Variants in TMEM128 observed in about 807,000 individuals in gnomAD.
TMEM128 encodes the protein transmembrane protein 128.
A neutral mutation model predicts 19.7 loss-of-function variants in TMEM128; 16 were observed. The ratio of observed to expected loss-of-function variants is 0.81; its 90% CI spans 0.55 to 1.23. The LOEUF (loss-of-function observed/expected upper bound fraction) is 1.23, where lower values mean the gene tolerates loss of function less well. Among genes scored for constraint, TMEM128 ranks in the 50% most tolerant of loss-of-function variants. The pLI is 0.00. For missense variants in TMEM128, 237 were observed against 200.8 expected (o/e 1.18, Z -1.09); for synonymous variants, 98 against 75.8 (o/e 1.29, Z -1.52).
intron 1 of TMEM128, among the ~76,000 whole-genome samples, chr4:4,246,746 T>C (rs115664492): frequency 6.9e-6 from 1 of 144,140 alleles, no homozygotes; most frequent in African/African-American, 2.5e-5. Context: ...AACACTTTTA[T>C]AACTAAATTT....
chr4:4,242,996 C>T (rs1182867654), intron 2 of TMEM128, among the ~76,000 whole-genome samples: 1 of 152,300 alleles, frequency 6.6e-6, no homozygotes, highest in East Asian at 1.9e-4. Context: ...TCTTTAACTC[C>T]ACTGTTGATT....
chr4:4,247,015 C>T (rs1260715419), intron 1 of TMEM128, among the ~76,000 whole-genome samples: 3 of 152,204 alleles, frequency 2.0e-5, no homozygotes, highest in Non-Finnish European at 4.4e-5. Flanking sequence ...CAGCCCGCCT[C>T]AGCCTCTCAA....
At chr4:4,238,914 T>C (rs1180744498) in intron 3 of TMEM128, among the ~76,000 whole-genome samples, 1 of 152,064 alleles carries the variant, frequency 6.6e-6, no homozygotes, top group Non-Finnish European at 1.5e-5. Context: ...ATGCCTGTGG[T>C]CCCAACTACT....
intron 3 of TMEM128, among the ~76,000 whole-genome samples, chr4:4,238,580 T>G (rs1376750170): frequency 2.0e-5 from 3 of 152,162 alleles, no homozygotes; most frequent in Non-Finnish European, 4.4e-5. Context: ...TTTCTGGACA[T>G]GATCTTACCC....
chr4:4,236,619 GT>G (rs753914117), intron 4 of TMEM128, among the ~76,000 whole-genome samples: 4 of 152,210 alleles, frequency 2.6e-5, no homozygotes, highest in Non-Finnish European at 5.9e-5. Context: ...TCCTGTGAGG[GT>G]TCCCAGTGGT....
chr4:4,247,846 A>T (rs922132316), intron 1 of TMEM128: 6 of 1,432,428 alleles, frequency 4.2e-6, no homozygotes, highest in Non-Finnish European at 5.5e-6. Flanking sequence ...TAAATCCTTA[A>T]GACTTAAAAC....
intron 2 of TMEM128, among the ~76,000 whole-genome samples, chr4:4,245,213 T>C (rs1718119010): frequency 6.6e-6 from 1 of 152,134 alleles, no homozygotes. Flanking sequence ...GGTCTCCACA[T>C]CACTCTCCAA....
At chr4:4,247,407 T>C (rs1016173352) in intron 1 of TMEM128, among the ~76,000 whole-genome samples, 4 of 152,236 alleles carry the variant, frequency 2.6e-5, no homozygotes, top group African/African-American at 9.6e-5. Flanking sequence ...CATGAGGTTA[T>C]TCGTGTTTTT....
intron 2 of TMEM128, among the ~76,000 whole-genome samples, chr4:4,244,312 C>G (rs1459918174): frequency 6.6e-6 from 1 of 151,856 alleles, no homozygotes; most frequent in Non-Finnish European, 1.5e-5. Context: ...CTCGTCTCTA[C>G]AAAAAATAAA....
At chr4:4,247,501 T>TA in intron 1 of TMEM128, 2 of 1,528,798 alleles carry the variant, frequency 1.3e-6, no homozygotes, top group Non-Finnish European at 1.8e-6. Flanking sequence ...CTCCCATCCT[T>TA]AACCTCAGAT....
At chr4:4,239,535 T>C (rs1011493320) in intron 3 of TMEM128, among the ~76,000 whole-genome samples, 2 of 152,242 alleles carry the variant, frequency 1.3e-5, no homozygotes, top group African/African-American at 4.8e-5. Flanking sequence ...TTGGGGTACA[T>C]ATATATACAT....
intron 4 of TMEM128, among the ~76,000 whole-genome samples, chr4:4,237,344 T>C (rs1394833554): frequency 1.3e-5 from 2 of 152,188 alleles, no homozygotes; most frequent in African/African-American, 4.8e-5. Flanking sequence ...ACAAATCCTG[T>C]CTTTATGAGG....
intron 1 of TMEM128, chr4:4,247,634 G>T: frequency 6.2e-7 from 1 of 1,614,198 alleles, no homozygotes; most frequent in Non-Finnish European, 8.5e-7. Flanking sequence ...ATACCATAGT[G>T]TTCCACACTT....
At chr4:4,238,540 T>A (rs1364137886) in intron 3 of TMEM128, among the ~76,000 whole-genome samples, 9 of 152,110 alleles carry the variant, frequency 5.9e-5, no homozygotes, top group African/African-American at 1.9e-4. Flanking sequence ...ATAACTATAA[T>A]CACAAATCAC....
At position 4,247,655 on chromosome 4, in the gene TMEM128, A is replaced by G. The variant is rs573192278; in HGVS notation, c.97+451T>C. 4 of 1,614,166 alleles carry G rather than the reference A, an allele frequency of 2.5e-6. No individual in the cohort carries two copies. In the East Asian group the frequency reaches 8.9e-5, roughly 36 times the overall value. On this transcript the variant is annotated intron_variant, in intron 1 of 4. Transcript: ENST00000382753. ...TAGTGTTCCACACTTCCCTTTGAAA[A>G]TCATCCCCATTGGTACATACGAGTC... is the stretch of plus-strand genomic sequence containing the variant.
intron 2 of TMEM128, among the ~76,000 whole-genome samples, chr4:4,245,699 A>G (rs1577199077): frequency 1.3e-5 from 2 of 152,204 alleles, no homozygotes; most frequent in South Asian, 4.1e-4. Context: ...TTATTGAAGT[A>G]CAATTGACAA....
chr4:4,241,839 C>T (rs1717969499), intron 2 of TMEM128, among the ~76,000 whole-genome samples: 4 of 152,202 alleles, frequency 2.6e-5, no homozygotes, highest in Admixed American at 2.0e-4. Context: ...AAGTGGTCAG[C>T]AAAGTGCTCC....
intron 3 of TMEM128, among the ~76,000 whole-genome samples, chr4:4,239,612 G>C (rs1008836490): frequency 1.3e-5 from 2 of 152,130 alleles, no homozygotes; most frequent in African/African-American, 4.8e-5. Context: ...GTACAAGAAT[G>C]CTCTTTATAG....
At chr4:4,238,012 G>A (rs1386925252) in intron 3 of TMEM128, 77 bp from the exon 4 acceptor site, 2 of 941,774 alleles carry the variant, frequency 2.1e-6, no homozygotes, top group East Asian at 3.0e-5. Flanking sequence ...CAGATTTAAA[G>A]TATTCAATGT....
Sources: gnomAD v4.1 joint callset for allele counts (sites outside exome capture counted in the v4.1 genomes callset) on GRCh38, gnomAD v4.1.1 for gene constraint, MANE v1.5 for transcripts, NCBI Gene and HGNC (gene_info 2026-07-23, HGNC 2026-07-21) for gene names.